Variants in MAD1L1 observed in about 807,000 individuals in gnomAD.
MAD1L1 encodes mitotic spindle assembly checkpoint protein MAD1.
MAD1L1 carries 95 observed loss-of-function variants against 96.9 expected under a neutral mutation model. That is an observed-to-expected ratio of 0.98 (90% CI 0.83 to 1.16). The LOEUF (loss-of-function observed/expected upper bound fraction) is 1.16, where lower values mean the gene tolerates loss of function less well. Ranked by LOEUF, MAD1L1 falls within the 50% of genes most tolerant of loss-of-function variation. The pLI, the probability that MAD1L1 is intolerant of heterozygous loss-of-function variation, is 0.00. For missense variants in MAD1L1, 1,007 were observed against 954.4 expected (o/e 1.06, Z -0.73); for synonymous variants, 473 against 396.6 (o/e 1.19, Z -2.29).
At chr7:2,193,453 T>G (rs372481278) in intron 10 of MAD1L1, 7 of 152,496 alleles carry the variant, frequency 4.6e-5, no homozygotes, top group Non-Finnish European at 1.0e-4. Flanking sequence ...ACAGGGACCG[T>G]GCGTCCTGCT....
chr7:1,997,501 G>T (rs1781608556), intron 14 of MAD1L1, among the ~76,000 whole-genome samples: 1 of 152,272 alleles, frequency 6.6e-6, no homozygotes, highest in African/African-American at 2.4e-5. Context: ...AGACCTGGGT[G>T]ACTCCAGCCA....
intron 18 of MAD1L1, among the ~76,000 whole-genome samples, chr7:1,881,741 G>C (rs1169840613): frequency 6.6e-6 from 1 of 152,224 alleles, no homozygotes; most frequent in Admixed American, 6.5e-5. Context: ...CCAGGAAACA[G>C]ACATGAAGAT....
At chr7:1,875,312 C>T (rs532110837) in intron 18 of MAD1L1, among the ~76,000 whole-genome samples, 18 of 152,332 alleles carry the variant, frequency 1.2e-4, no homozygotes, top group Admixed American at 1.0e-3. Context: ...CTGCCCAGCT[C>T]ACAGGGAAGC....
At chr7:1,828,008 T>G (rs1426396576) in intron 18 of MAD1L1, among the ~76,000 whole-genome samples, 1 of 152,008 alleles carries the variant, frequency 6.6e-6, no homozygotes, top group South Asian at 2.1e-4. Context: ...GGGCCGGAGA[T>G]GCAGGCCCGC....
chr7:2,186,329 T>A (rs772170542), intron 10 of MAD1L1, among the ~76,000 whole-genome samples: 1 of 152,062 alleles, frequency 6.6e-6, no homozygotes, highest in Non-Finnish European at 1.5e-5. Flanking sequence ...AATAAGGAAA[T>A]AGTTAAAATA....
At chr7:2,178,763 G>T (rs1424926647) in intron 10 of MAD1L1, among the ~76,000 whole-genome samples, 21 of 152,074 alleles carry the variant, frequency 1.4e-4, no homozygotes. Flanking sequence ...CGGGTGTGGT[G>T]GCGGGCGCCT....
At chr7:2,097,160 C>T (rs1329837430) in intron 11 of MAD1L1, among the ~76,000 whole-genome samples, 1 of 151,892 alleles carries the variant, frequency 6.6e-6, no homozygotes, top group Non-Finnish European at 1.5e-5. Flanking sequence ...TCACCCTACT[C>T]GGCTCCACCA....
At chr7:1,915,504 G>A (rs1284882828) in intron 17 of MAD1L1, among the ~76,000 whole-genome samples, 1 of 152,202 alleles carries the variant, frequency 6.6e-6, no homozygotes, top group Non-Finnish European at 1.5e-5. Context: ...GGAGGCCGAC[G>A]CGGGACGTAC....
intron 12 of MAD1L1, among the ~76,000 whole-genome samples, chr7:2,055,457 G>C (rs1784348693): frequency 6.6e-6 from 1 of 152,098 alleles, no homozygotes; most frequent in African/African-American, 2.4e-5. Context: ...GGGGACCGCA[G>C]GCTGCACCCC....
At chr7:1,909,120 G>A (rs35582663) in intron 17 of MAD1L1, among the ~76,000 whole-genome samples, 45,176 of 152,204 alleles carry the variant, frequency 0.3, 8,192 homozygotes, top group East Asian at 0.45. Flanking sequence ...GAAGGAGCCC[G>A]ACACCGGCGT....
chr7:2,080,554 C>A (rs1339773439), intron 11 of MAD1L1, among the ~76,000 whole-genome samples: 1 of 150,178 alleles, frequency 6.7e-6, no homozygotes. Flanking sequence ...GCGCCTCCCC[C>A]ACGATCACAG....
rs960789008 is a variant in MAD1L1 at position 1,898,391 on chromosome 7, C to G, written c.1808-1G>C. On this transcript the variant is annotated splice_acceptor_variant, in intron 17 of 18. Transcript: ENST00000265854. LOFTEE classifies it high-confidence loss of function. ...GCACTCTCCACCTGCTTCTTCAGCT[C>G]TGCGGGAGGGACGGAAGGAGACAGT... The G allele has an allele frequency of 3.1e-6, 5 of 1,613,422 alleles. No individual in the cohort carries two copies. The African/African-American group carries it at 4.0e-5, about 13-fold the overall frequency.
At chr7:2,162,682 TAA>T (rs1367522197) in intron 10 of MAD1L1, among the ~76,000 whole-genome samples, 1 of 71,312 alleles carries the variant, frequency 1.4e-5, no homozygotes, top group Admixed American at 1.4e-4. Flanking sequence ...AGAATAAAAA[TAA>T]AGTTATCTAT....
At chr7:2,079,021 A>AG (rs3839697) in intron 11 of MAD1L1, among the ~76,000 whole-genome samples, 100,421 of 152,120 alleles carry the variant, frequency 0.66, 33,335 homozygotes, top group South Asian at 0.77. Context: ...TGTGTCTCTC[A>AG]GAAGAGGGCA....
In MAD1L1 at chr7:2,030,063, T is replaced by G. The variant is rs141355198; in HGVS notation, c.1219-15421A>C. 3.9e-5 allele frequency among the ~76,000 whole-genome samples: 6 copies of G among 152,288 alleles called. No individual in the cohort carries two copies. In the East Asian group the frequency reaches 9.6e-4, roughly 24 times the overall value. On this transcript the variant is annotated intron_variant, in intron 12 of 18. Transcript: ENST00000265854. The stretch of plus-strand genomic sequence containing the variant: ...GGGCTCACCACATTCAGGGAGCAGA[T>G]GGAAATCGAGTCTTTGGCCCAAGCT...
intron 10 of MAD1L1, among the ~76,000 whole-genome samples, chr7:2,173,620 G>A (rs1334977055): frequency 1.3e-5 from 2 of 152,094 alleles, no homozygotes; most frequent in Non-Finnish European, 2.9e-5. Context: ...AGACTTTCTC[G>A]GCACCACTTC....
intron 10 of MAD1L1, among the ~76,000 whole-genome samples, chr7:2,179,926 G>A (rs919200257): frequency 6.6e-5 from 10 of 151,758 alleles, no homozygotes; most frequent in Non-Finnish European, 1.5e-4. Context: ...AGCCAAGATC[G>A]TGCCACTGCA....
chr7:2,110,727 C>T (rs569998704), intron 11 of MAD1L1, among the ~76,000 whole-genome samples: 2 of 152,288 alleles, frequency 1.3e-5, no homozygotes, highest in African/African-American at 4.8e-5. Context: ...ACGGGCTTCA[C>T]CAATTAATAA....
intron 18 of MAD1L1, among the ~76,000 whole-genome samples, chr7:1,878,737 C>CA (rs1235083959): frequency 7.4e-5 from 11 of 147,866 alleles, no homozygotes; most frequent in Non-Finnish European, 1.3e-4. Context: ...AATGTCCCCC[C>CA]CCCCCCATTC....
Sources: allele counts gnomAD v4.1 joint callset (sites outside exome capture counted in the v4.1 genomes callset), GRCh38; gene constraint gnomAD v4.1.1; transcripts MANE v1.5; gene names NCBI Gene and HGNC (gene_info 2026-07-23, HGNC 2026-07-21).